The following HMBOX1 variants were observed in gnomAD, a reference collection of about 807,000 sequenced individuals.
The protein encoded by HMBOX1 is homeobox containing 1, also known as homeobox-containing protein 1.
HMBOX1 carries 14 observed loss-of-function variants against 54.5 expected under a neutral mutation model. That is an observed-to-expected ratio of 0.26 (90% CI 0.17 to 0.40). The LOEUF (loss-of-function observed/expected upper bound fraction) is 0.40. Among genes scored for constraint, HMBOX1 ranks in the 10% least tolerant of loss-of-function variants. The probability of loss-of-function intolerance (pLI) is 1.00; values close to 1 mark genes in which losing one functional copy is unlikely to be tolerated. For synonymous variants in HMBOX1, 160 were observed against 181.0 expected (o/e 0.88, Z 0.93); for missense variants, 332 against 514.4 (o/e 0.65, Z 3.43).
chr8:28,989,123 T>G (rs542446187), intron 4 of HMBOX1, among the ~76,000 whole-genome samples: 2 of 152,034 alleles, frequency 1.3e-5, no homozygotes, highest in Admixed American at 1.3e-4. Flanking sequence ...AAATACAAAA[T>G]TAGCCGGGCA....
intron 1 of HMBOX1, among the ~76,000 whole-genome samples, chr8:28,959,472 G>A (rs193009119): frequency 7.9e-5 from 12 of 152,158 alleles, no homozygotes; most frequent in Non-Finnish European, 1.0e-4. Flanking sequence ...TAATATTCTC[G>A]GACCATGGTT....
intron 6 of HMBOX1, among the ~76,000 whole-genome samples, chr8:29,024,551 GAAAT>G (rs1563603987): frequency 6.6e-6 from 1 of 151,986 alleles, no homozygotes; most frequent in Non-Finnish European, 1.5e-5. Flanking sequence ...TAATCAGGGG[GAAAT>G]AAATGTAAAA....
chr8:29,035,448 G>T (rs930282612), intron 6 of HMBOX1, among the ~76,000 whole-genome samples: 3 of 152,080 alleles, frequency 2.0e-5, no homozygotes, highest in Non-Finnish European at 4.4e-5. Context: ...AAACCTCTTT[G>T]GTAAACCTAC....
At chr8:29,010,872 T>G (rs1586463186) in intron 5 of HMBOX1, among the ~76,000 whole-genome samples, 1 of 152,176 alleles carries the variant, frequency 6.6e-6, no homozygotes, top group Non-Finnish European at 1.5e-5. Flanking sequence ...TTTAATGACA[T>G]GAACTTCTTA....
chr8:28,923,437 T>C (rs921555764), intron 1 of HMBOX1, among the ~76,000 whole-genome samples: 9 of 152,244 alleles, frequency 5.9e-5, no homozygotes, highest in African/African-American at 9.6e-5. Flanking sequence ...GATATTGCTA[T>C]GAAATAAGAG....
intron 1 of HMBOX1, 46 bp from the exon 2 acceptor site, chr8:28,963,765 C>G (rs998125790): frequency 3.3e-6 from 3 of 906,888 alleles, no homozygotes; most frequent in African/African-American, 1.7e-5. Context: ...TTATTCAGCA[C>G]TTGATTAACA....
intron 1 of HMBOX1, among the ~76,000 whole-genome samples, chr8:28,953,010 CTGAT>C (rs1187074299): frequency 6.6e-6 from 1 of 152,198 alleles, no homozygotes; most frequent in African/African-American, 2.4e-5. Context: ...AGTCCGTTAG[CTGAT>C]TGACCTTGGG....
At chr8:28,892,915 G>A (rs186650110) in intron 1 of HMBOX1, among the ~76,000 whole-genome samples, 3 of 152,180 alleles carry the variant, frequency 2.0e-5, no homozygotes, top group South Asian at 4.2e-4. Flanking sequence ...CTACTTAACG[G>A]AGTGTTTTGT....
intron 1 of HMBOX1, among the ~76,000 whole-genome samples, chr8:28,961,001 G>T (rs1198470647): frequency 7.9e-5 from 12 of 151,366 alleles, no homozygotes; most frequent in Non-Finnish European, 1.8e-4. Context: ...TGGCCAGGAT[G>T]GTCTCGATCT....
intron 1 of HMBOX1, among the ~76,000 whole-genome samples, chr8:28,934,368 A>G (rs1363267314): frequency 6.6e-6 from 1 of 152,228 alleles, no homozygotes; most frequent in Admixed American, 6.5e-5. Flanking sequence ...CTTGATGGTC[A>G]AAGACTGAAT....
At chr8:28,954,695 A>C (rs900694445) in intron 1 of HMBOX1, among the ~76,000 whole-genome samples, 3 of 152,142 alleles carry the variant, frequency 2.0e-5, no homozygotes, top group African/African-American at 7.2e-5. Context: ...AAATGTATAT[A>C]CTCTGTCACA....
At chr8:29,028,294 A>G (rs1202931967) in intron 6 of HMBOX1, among the ~76,000 whole-genome samples, 1 of 152,214 alleles carries the variant, frequency 6.6e-6, no homozygotes, top group Non-Finnish European at 1.5e-5. Context: ...ACTGCTGTTA[A>G]CCTGACATGT....
At chr8:28,985,305 T>A (rs950810398) in intron 4 of HMBOX1, among the ~76,000 whole-genome samples, 1 of 152,052 alleles carries the variant, frequency 6.6e-6, no homozygotes, top group Non-Finnish European at 1.5e-5. Context: ...GGGGAACGGG[T>A]CTCTCTTGGG....
At chr8:29,008,475 A>T (rs1833777999) in intron 4 of HMBOX1, among the ~76,000 whole-genome samples, 1 of 152,212 alleles carries the variant, frequency 6.6e-6, no homozygotes, top group African/African-American at 2.4e-5. Flanking sequence ...ATATTGTAGC[A>T]TACATAACTC....
intron 6 of HMBOX1, among the ~76,000 whole-genome samples, chr8:29,021,209 T>G (rs1801095410): frequency 6.6e-6 from 1 of 152,056 alleles, no homozygotes; most frequent in African/African-American, 2.4e-5. Flanking sequence ...AAGTAAAAAA[T>G]TATTCCATTC....
chr8:28,964,874 TA>T (rs1182538758), intron 2 of HMBOX1, among the ~76,000 whole-genome samples: 9 of 152,172 alleles, frequency 5.9e-5, no homozygotes, highest in African/African-American at 2.2e-4. Flanking sequence ...CCCCACTTTT[TA>T]AAAAAATTTA....
chr8:28,900,405 G>C (rs10103069), intron 1 of HMBOX1, among the ~76,000 whole-genome samples: 4,755 of 151,210 alleles, frequency 0.031, 239 homozygotes, highest in African/African-American at 0.11. Flanking sequence ...AGAATGCTTG[G>C]AAAATGCATA....
At position 28,901,736 on chromosome 8, in the gene HMBOX1, G is replaced by A. The variant is rs562006610; in HGVS notation, c.-58+11058G>A. Among the ~76,000 whole-genome samples the A allele has an allele frequency of 1.8e-4, 28 of 152,202 alleles. 1 individual carries two copies. The South Asian group carries it at 5.4e-3, about 29-fold the overall frequency. On this transcript the variant is annotated intron_variant, in intron 1 of 9. Coordinates refer to ENST00000287701, the MANE Select transcript of HMBOX1 (RefSeq NM_001135726.3). Reference sequence around the variant, plus strand: ...TTTTCGTCCCTGTGCTTTGTGATGGGTTTGCTAACATTTCCTTTCCTCCCT... The same window carrying A: ...TTTTCGTCCCTGTGCTTTGTGATGGATTTGCTAACATTTCCTTTCCTCCCT...
chr8:28,965,733 C>T (rs1018466907), intron 2 of HMBOX1, among the ~76,000 whole-genome samples: 1 of 152,202 alleles, frequency 6.6e-6, no homozygotes, highest in African/African-American at 2.4e-5. Context: ...AAGCTGCTGA[C>T]AGAGAGTAGC....
Sources: gnomAD v4.1 joint callset for allele counts (sites outside exome capture counted in the v4.1 genomes callset) on GRCh38, gnomAD v4.1.1 for gene constraint, MANE v1.5 for transcripts, NCBI Gene and HGNC (gene_info 2026-07-23, HGNC 2026-07-21) for gene names.